Variants in NDST3 observed in about 807,000 individuals in gnomAD.
NDST3 encodes the protein bifunctional heparan sulfate N-deacetylase/N-sulfotransferase 3.
Under a neutral mutation model 96.1 loss-of-function variants are expected in NDST3, and 58 were observed. The ratio of observed to expected loss-of-function variants is 0.60; its 90% CI spans 0.49 to 0.75. NDST3 has a LOEUF of 0.75. NDST3 is among the 30% of genes least tolerant of loss of function. The probability of loss-of-function intolerance (pLI) is 0.00; values close to 1 mark genes in which losing one functional copy is unlikely to be tolerated. For missense variants in NDST3, 788 were observed against 1,034.2 expected (o/e 0.76, Z 3.27); for synonymous variants, 333 against 359.7 (o/e 0.93, Z 0.84).
chr4:118,171,833 C>A (rs535978102), intron 6 of NDST3, among the ~76,000 whole-genome samples: 28 of 152,090 alleles, frequency 1.8e-4, no homozygotes, highest in African/African-American at 6.5e-4. Flanking sequence ...ACTAGCAAAC[C>A]TAGGGTTAAG....
chr4:118,156,181 C>T (rs1288344662), intron 6 of NDST3, among the ~76,000 whole-genome samples: 1 of 152,056 alleles, frequency 6.6e-6, no homozygotes. Context: ...CAGAATAATT[C>T]ATAGTACCTT....
chr4:118,150,977 G>A (rs1734352071), intron 6 of NDST3, among the ~76,000 whole-genome samples: 1 of 151,392 alleles, frequency 6.6e-6, no homozygotes, highest in African/African-American at 2.5e-5. Flanking sequence ...GCAAAGACTT[G>A]GAACCAACCC....
intron 6 of NDST3, among the ~76,000 whole-genome samples, chr4:118,157,389 A>T (rs1734782570): frequency 6.6e-6 from 1 of 151,244 alleles, no homozygotes; most frequent in African/African-American, 2.4e-5. Flanking sequence ...AGTGGGAGAA[A>T]CACTTCACTA....
intron 9 of NDST3, among the ~76,000 whole-genome samples, chr4:118,236,381 A>G (rs1470450103): frequency 6.6e-6 from 1 of 152,186 alleles, no homozygotes; most frequent in Non-Finnish European, 1.5e-5. Context: ...CTCTCTACCC[A>G]TGAGGATATA....
intron 2 of NDST3, among the ~76,000 whole-genome samples, chr4:118,085,254 T>C (rs571289443): frequency 1.3e-5 from 2 of 152,252 alleles, no homozygotes; most frequent in East Asian, 1.9e-4. Flanking sequence ...ATATCAAAAG[T>C]CTTCTGAAAT....
At chr4:118,126,120 T>A (rs1732039107) in intron 4 of NDST3, among the ~76,000 whole-genome samples, 1 of 152,064 alleles carries the variant, frequency 6.6e-6, no homozygotes, top group African/African-American at 2.4e-5. Context: ...AAACAAATCA[T>A]CATTAGAAGC....
At chr4:118,223,283 C>T (rs1339744160) in intron 6 of NDST3, among the ~76,000 whole-genome samples, 6 of 151,908 alleles carry the variant, frequency 3.9e-5, no homozygotes, top group Admixed American at 2.0e-4. Context: ...ATTTAAGTCA[C>T]AGAATTGAAG....
chr4:118,187,524 G>A (rs1191810706), intron 6 of NDST3, among the ~76,000 whole-genome samples: 3 of 152,160 alleles, frequency 2.0e-5, no homozygotes, highest in Non-Finnish European at 2.9e-5. Context: ...TTTGTTGTTC[G>A]TATTGGTCCT....
intron 1 of NDST3, among the ~76,000 whole-genome samples, chr4:118,037,977 T>C (rs934921755): frequency 6.6e-6 from 1 of 152,216 alleles, no homozygotes; most frequent in African/African-American, 2.4e-5. Flanking sequence ...TTGGCTGTCT[T>C]TCCTTATCTG....
At chr4:118,114,538 C>A (rs1276047559) in intron 3 of NDST3, among the ~76,000 whole-genome samples, 1 of 152,160 alleles carries the variant, frequency 6.6e-6, no homozygotes, top group Non-Finnish European at 1.5e-5. Flanking sequence ...GTTCTAATAT[C>A]CTTGGGAATG....
intron 6 of NDST3, among the ~76,000 whole-genome samples, chr4:118,171,614 T>A (rs369493131): frequency 2.0e-5 from 3 of 152,286 alleles, no homozygotes; most frequent in South Asian, 2.1e-4. Context: ...AGTAATTTCC[T>A]ATCTTGGGTG....
chr4:118,158,295 T>C (rs1010137524), intron 6 of NDST3, among the ~76,000 whole-genome samples: 5 of 152,104 alleles, frequency 3.3e-5, no homozygotes, highest in African/African-American at 1.2e-4. Flanking sequence ...ACATGGAAAG[T>C]ACAAATTGAG....
chr4:118,250,526 C>T (rs1049945483), intron 12 of NDST3, among the ~76,000 whole-genome samples: 1 of 151,106 alleles, frequency 6.6e-6, no homozygotes, highest in Admixed American at 6.6e-5. Flanking sequence ...CTCTTGTTGC[C>T]CAGGCTGGAG....
At chr4:118,114,671 A>T in intron 3 of NDST3, 135 bp from the exon 4 acceptor site, 1 of 925,640 alleles carries the variant, frequency 1.1e-6, no homozygotes, top group Non-Finnish European at 1.6e-6. Flanking sequence ...ATTTGGGTTT[A>T]AAGCCTTATA....
chr4:118,198,660 G>A (rs868588644), intron 6 of NDST3, among the ~76,000 whole-genome samples: 4 of 151,932 alleles, frequency 2.6e-5, no homozygotes, highest in African/African-American at 7.3e-5. Flanking sequence ...TGTACCTTCA[G>A]GTGATTATTT....
chr4:118,150,707 G>C (rs1734329061), intron 6 of NDST3, among the ~76,000 whole-genome samples: 1 of 151,524 alleles, frequency 6.6e-6, no homozygotes, highest in Non-Finnish European at 1.5e-5. Context: ...ACACCAGTTA[G>C]AATAGCAATC....
At chr4:118,208,786 G>A (rs1485818376) in intron 6 of NDST3, among the ~76,000 whole-genome samples, 4 of 144,424 alleles carry the variant, frequency 2.8e-5, no homozygotes, top group Non-Finnish European at 6.1e-5. Context: ...CATTAGAGGG[G>A]CTGTCTTAAA....
intron 6 of NDST3, among the ~76,000 whole-genome samples, chr4:118,146,308 G>A (rs77843456): frequency 0.038 from 5,858 of 152,288 alleles, 176 homozygotes; most frequent in African/African-American, 0.083. Context: ...TTCTGAGAAT[G>A]CCAAGTGAGG....
intron 8 of NDST3, among the ~76,000 whole-genome samples, chr4:118,227,857 CCG>C (rs1400093285): frequency 6.6e-6 from 1 of 152,140 alleles, no homozygotes; most frequent in Non-Finnish European, 1.5e-5. Flanking sequence ...CGTGATCCGC[CCG>C]CCTCGGCCTC....
Sources: gnomAD v4.1 joint callset for allele counts (sites outside exome capture counted in the v4.1 genomes callset) on GRCh38, gnomAD v4.1.1 for gene constraint, MANE v1.5 for transcripts, NCBI Gene and HGNC (gene_info 2026-07-23, HGNC 2026-07-21) for gene names.